Variants in CNKSR1 observed in about 807,000 individuals in gnomAD.
CNKSR1 encodes connector enhancer of kinase suppressor of Ras 1.
CNKSR1 carries 88 observed loss-of-function variants against 95.6 expected under a neutral mutation model. The observed-to-expected ratio is 0.92, with a 90% CI of 0.78 to 1.10. The LOEUF (loss-of-function observed/expected upper bound fraction) is 1.10. Ranked by LOEUF, CNKSR1 falls within the 50% of genes least tolerant of loss-of-function variation. The pLI, the probability that CNKSR1 is intolerant of heterozygous loss-of-function variation, is 0.00. For synonymous variants in CNKSR1, 355 were observed against 369.7 expected (o/e 0.96, Z 0.46); for missense variants, 836 against 912.0 (o/e 0.92, Z 1.07).
Position 26,177,501 on chromosome 1 carries a change from G to C in CNKSR1, c.-47G>C. On this transcript the variant is annotated 5_prime_UTR_variant, in exon 1 of 21. Transcript: ENST00000361530. ...GGGCTCTGGGAGCGGAAATTCCGGCGACAGCAGGGCAAAACAGGAGCTGAT... is the reference window on the plus strand; with the variant it reads ...GGGCTCTGGGAGCGGAAATTCCGGCCACAGCAGGGCAAAACAGGAGCTGAT... The C allele has an allele frequency of 1.2e-6, 2 of 1,611,850 alleles. No individual in the cohort carries two copies. Among genetic ancestry groups the C allele is most frequent in the South Asian group, 2.2e-5 (2 of 90,570 alleles).
At position 26,183,738 on chromosome 1, in the gene CNKSR1, C is replaced by CCCCGTAAGAA; in HGVS notation, c.765_774dup (p.Met259ProfsTer2). The CCCCGTAAGAA allele has an allele frequency of 6.2e-7, 1 of 1,611,998 alleles. No homozygotes were observed. Among genetic ancestry groups the CCCCGTAAGAA allele is most frequent in the East Asian group, 2.2e-5 (1 of 44,860 alleles). ...TGTTTCTGTCCCCCAGGTGGGATGG[C>CCCCGTAAGAA]CCCGTAAGAACATGGTGAGGGAACT... is the stretch of plus-strand genomic sequence containing the variant. On this transcript the variant is annotated frameshift_variant, in exon 9 of 21. Coordinates refer to ENST00000361530, the MANE Select transcript of CNKSR1 (RefSeq NM_006314.3). LOFTEE classifies it high-confidence loss of function.
intron 1 of CNKSR1, among the ~76,000 whole-genome samples, chr1:26,179,771 A>G (rs773939258): frequency 2.0e-5 from 3 of 152,190 alleles, no homozygotes; most frequent in African/African-American, 7.2e-5. Context: ...GTGACTCCAT[A>G]GCCTCTTGTT....
intron 6 of CNKSR1, 140 bp from the exon 7 acceptor site, chr1:26,183,057 A>T (rs2088673825): frequency 1.4e-5 from 12 of 862,684 alleles, no homozygotes; most frequent in Non-Finnish European, 2.4e-5. Context: ...AAAGTCATAC[A>T]GCAAGTCTGG....
rs201307006 is a variant in CNKSR1 at position 26,189,375 on chromosome 1, C to T, written c.1969C>T (p.Leu657=). The change falls in exon 21 of 21, where the codon CTG becomes TTG. Residue 657 remains leucine, a synonymous_variant. Transcript: ENST00000361530. ...FRQWKEQNRE[L]YSEGLGAWGV... ...CCAGTGGAAGGAGCAGAACCGGGAG[C>T]TGTACTCAGAGGGCCTGGGGGCCTG... is the stretch of plus-strand genomic sequence containing the variant. The T allele has an allele frequency of 9.3e-6, 15 of 1,613,948 alleles. No individual in the cohort carries two copies. The Admixed American group carries it at 1.8e-4, about 20-fold the overall frequency.
chr1:26,182,506 C>T lies in CNKSR1; in HGVS notation c.546C>T (p.His182=), dbSNP rs2802347. ...GCAGCCACGTGGCTGGGATCTGCCA[C>T]AACATCCTGGTCTGCTGCCCCAAGG... The part of the protein sequence containing the change: ...RICSHVAGIC[H]NILVCCPKEL... The change falls in exon 6 of 21, where the codon CAC becomes CAT. Residue 182 remains histidine (H), a synonymous_variant. Transcript: ENST00000361530. 14,129 of 1,613,958 alleles carry T rather than the reference C, an allele frequency of 8.8e-3. 1,048 individuals are homozygous for T. The African/African-American group carries it at 0.16, about 18-fold the overall frequency.
intron 16 of CNKSR1, among the ~76,000 whole-genome samples, chr1:26,187,705 C>G (rs1393331720): frequency 6.8e-6 from 1 of 146,928 alleles, no homozygotes; most frequent in Middle Eastern, 3.4e-3. Context: ...TCACTGCAAT[C>G]TCCGCCTCCT....
intron 6 of CNKSR1, 24 bp downstream of exon 6, chr1:26,182,608 C>A (rs370749336): frequency 1.3e-6 from 2 of 1,589,520 alleles, no homozygotes; most frequent in East Asian, 2.2e-5. Context: ...TCCCACCTCT[C>A]ACTTCTGACC....
chr1:26,183,579 G>A, intron 8 of CNKSR1, 150 bp from the exon 9 acceptor site: 3 of 1,013,158 alleles, frequency 3.0e-6, no homozygotes, highest in Non-Finnish European at 4.7e-6. Context: ...GAGCCCAGGT[G>A]ATGGGGCCCA....
chr1:26,181,954 A>T lies in CNKSR1; in HGVS notation c.477+13A>T. ...GGTCTTGCATGAGGTAGGAGAACCA[A>T]GGGCCAGGCTTGGCCCATGCCCTAG... is the stretch of plus-strand genomic sequence containing the variant. On this transcript the variant is annotated intron_variant, in intron 4 of 20. Coordinates refer to ENST00000361530, the MANE Select transcript of CNKSR1 (RefSeq NM_006314.3). 6.2e-7 allele frequency: 1 copy of T among 1,612,794 alleles called. No individual in the cohort carries two copies. The highest frequency in any genetic ancestry group is 1.1e-5 in the South Asian group (1 of 91,044).
In CNKSR1 at chr1:26,188,888, C is replaced by T. The variant is rs751909352; in HGVS notation, c.1807C>T (p.Arg603Cys). 1.1e-5 allele frequency: 18 copies of T among 1,613,502 alleles called. No individual in the cohort carries two copies. The highest frequency in any genetic ancestry group is 1.6e-4 in the Middle Eastern group (1 of 6,062). The change falls in exon 20 of 21, where the codon CGC becomes TGC. Residue 603 changes from arginine (R) to cysteine (C), a missense_variant. Arg to Cys is a radical substitution (Grantham distance 180). Coordinates refer to ENST00000361530, the MANE Select transcript of CNKSR1 (RefSeq NM_006314.3). ...QEQWRSSFMR[R>C]NRDPQLNERV... ...ACAGTGGCGGAGCTCTTTCATGCGG[C>T]GCAACCGAGACCCTCAGCTCAATGA...
chr1:26,184,691 C>A, intron 13 of CNKSR1, 79 bp downstream of exon 13: 2 of 1,469,452 alleles, frequency 1.4e-6, no homozygotes, highest in East Asian at 2.4e-5. Flanking sequence ...GGCAAGACCA[C>A]CCCCATCCTT....
chr1:26,188,487 G>T lies in CNKSR1; in HGVS notation c.1574G>T (p.Gly525Val). ...TEAEDPDDEA[G>V]SHSASPSPAQ... ...GCAGAGGACCCGGACGATGAGGCTG[G>T]GTCCCACTCAGCCTCGGTGAGTGGG... is the stretch of plus-strand genomic sequence containing the variant. The change falls in exon 18 of 21, where the codon GGG becomes GTG. Residue 525 changes from glycine (G) to valine (V), a missense_variant. By Grantham distance (109) the Gly-to-Val change is moderately radical. Coordinates refer to ENST00000361530, the MANE Select transcript of CNKSR1 (RefSeq NM_006314.3). 3 of 1,604,910 alleles carry T rather than the reference G, an allele frequency of 1.9e-6. No individual in the cohort carries two copies. The South Asian group carries it at 3.3e-5, about 18-fold the overall frequency.
Position 26,177,588 on chromosome 1 carries a change from C to G in CNKSR1, c.41C>G (p.Thr14Ser), listed in dbSNP as rs1364440606. 1.2e-5 allele frequency: 19 copies of G among 1,613,922 alleles called. No homozygotes were observed. The highest frequency in any genetic ancestry group is 1.6e-5 in the Non-Finnish European group (19 of 1,180,012). ...ACCTGGACCCCCGGAAAGGTGGCAA[C>G]TTGGCTGAGAGGTGGGTGGGGCTGG... is the stretch of plus-strand genomic sequence containing the variant. ...VETWTPGKVA[T>S]WLRGLDDSLQ... is the part of the protein sequence containing the mutation. The change falls in exon 1 of 21, where the codon ACT becomes AGT. Residue 14 changes from threonine to serine, a missense_variant. Transcript: ENST00000361530.
At position 26,188,763 on chromosome 1, in the gene CNKSR1, C is replaced by T. The variant is rs1259623573; in HGVS notation, c.1691-9C>T. 6 of 1,609,712 alleles carry T rather than the reference C, an allele frequency of 3.7e-6. No homozygotes were observed. Among genetic ancestry groups the T allele is most frequent in the Non-Finnish European group, 5.1e-6 (6 of 1,176,942 alleles). On this transcript the variant is annotated splice_polypyrimidine_tract_variant and intron_variant, in intron 19 of 20. Coordinates refer to ENST00000361530, the MANE Select transcript of CNKSR1 (RefSeq NM_006314.3). The stretch of plus-strand genomic sequence containing the variant: ...GGGCACATCCTCATCCTGCTCTTCC[C>T]TCCCACAGACAGCAGTGAAGAGGCA...
Position 26,184,237 on chromosome 1 carries a change from C to T in CNKSR1, c.950C>T (p.Ala317Val), listed in dbSNP as rs757826978. 1.1e-5 allele frequency: 18 copies of T among 1,613,540 alleles called. No individual in the cohort carries two copies. The highest frequency in any genetic ancestry group is 1.5e-5 in the Non-Finnish European group (18 of 1,179,906). ...AGGGCCCCATCTGAAGACGTCTTTG[C>T]CTTTGACCTGTCTTCAAACCCCAGT... ...SPRAPSEDVF[A>V]FDLSSNPSPG... is the part of the protein sequence containing the mutation. Residue 317 changes from alanine (A) to valine (V), a missense_variant, in exon 11 of 21, where the codon GCC (alanine) becomes GTC (valine). Physicochemically the swap from Ala to Val is moderately conservative, Grantham distance 64 (BLOSUM62 0). Coordinates refer to ENST00000361530, the MANE Select transcript of CNKSR1 (RefSeq NM_006314.3).
chr1:26,184,537 G>A (rs767991327), intron 12 of CNKSR1, 30 bp downstream of exon 12: 7 of 1,607,276 alleles, frequency 4.4e-6, no homozygotes, highest in Non-Finnish European at 5.9e-6. Flanking sequence ...AAGGGGGTGG[G>A]TGGGTCTGGA....
Position 26,189,339 on chromosome 1 carries a change from G to C in CNKSR1, c.1933G>C (p.Glu645Gln). Residue 645 changes from glutamate (E) to glutamine (Q), a missense_variant, in exon 21 of 21, where the codon GAG becomes CAG. Coordinates refer to ENST00000361530, the MANE Select transcript of CNKSR1 (RefSeq NM_006314.3). ...GCTGGGTGACCCTGAGCTGACAGGA[G>C]AGAAGTTCCGCCAGTGGAAGGAGCA... ...EVLGDPELTGEKFRQWKEQNR... is the reference protein window; with the variant it reads ...EVLGDPELTGQKFRQWKEQNR... 1 of 1,614,186 alleles carries C rather than the reference G, an allele frequency of 6.2e-7. No homozygotes were observed. Among genetic ancestry groups the C allele is most frequent in the South Asian group, 1.1e-5 (1 of 91,082 alleles).
chr1:26,184,703 C>G (rs1264816587), intron 13 of CNKSR1, 91 bp downstream of exon 13: 1 of 1,408,312 alleles, frequency 7.1e-7, no homozygotes, highest in East Asian at 2.5e-5. Flanking sequence ...CCCATCCTTC[C>G]CACACAGCCT....
Position 26,188,752 on chromosome 1 carries a change from C to T in CNKSR1, c.1691-20C>T, listed in dbSNP as rs998948094. 1 of 1,609,670 alleles carries T rather than the reference C, an allele frequency of 6.2e-7. No individual in the cohort carries two copies. The highest frequency in any genetic ancestry group is 8.5e-7 in the Non-Finnish European group (1 of 1,177,026). On this transcript the variant is annotated intron_variant, in intron 19 of 20. Transcript: ENST00000361530. ...GGGGCTGGGGTGGGCACATCCTCAT[C>T]CTGCTCTTCCCTCCCACAGACAGCA...
Sources: allele counts gnomAD v4.1 joint callset (sites outside exome capture counted in the v4.1 genomes callset), GRCh38; gene constraint gnomAD v4.1.1; transcripts MANE v1.5; gene names NCBI Gene and HGNC (gene_info 2026-07-23, HGNC 2026-07-21).